Variants in EML4 observed in about 807,000 individuals in gnomAD.
EML4 encodes the protein echinoderm microtubule-associated protein-like 4.
EML4 carries 72 observed loss-of-function variants against 129.0 expected under a neutral mutation model. The ratio of observed to expected loss-of-function variants is 0.56; its 90% confidence interval spans 0.46 to 0.68. The LOEUF (loss-of-function observed/expected upper bound fraction) is 0.68, where lower values mean the gene tolerates loss of function less well. Among genes scored for constraint, EML4 ranks in the 30% least tolerant of loss-of-function variants. EML4 has a pLI of 0.00. For missense variants in EML4, 1,363 were observed against 1,190.6 expected, an observed-to-expected ratio of 1.14 and a Z score of -2.13; for synonymous variants, 532 against 405.0, an observed-to-expected ratio of 1.31 and a Z score of -3.77.
chr2:42,264,624 CTT>C lies in EML4; in HGVS notation c.642-79_642-78del, dbSNP rs1010033382. The C allele has an allele frequency of 2.6e-5, 21 of 811,350 alleles. No individual in the cohort carries two copies. The African/African-American group carries it at 3.2e-4, about 12-fold the overall frequency. The allele number at this position is 811,350 out of a possible 1,614,324, so 50.3% of individuals were successfully genotyped here. A position where few individuals can be genotyped will look rare whatever the true frequency, so the allele number is the denominator to read the frequency against. On this transcript the variant is annotated intron_variant, in intron 5 of 22. Coordinates refer to ENST00000318522, the MANE Select transcript of EML4 (RefSeq NM_019063.5). The stretch of plus-strand genomic sequence containing the variant: ...CTAGATTATAGCCTAAGCATTAAAA[CTT>C]TTACAGTTTCTTGAGGTGATTTTAA...
At chr2:42,197,684 A>G (rs1298322247) in intron 1 of EML4, among the ~76,000 whole-genome samples, 1 of 152,202 alleles carries the variant, frequency 6.6e-6, no homozygotes, top group Non-Finnish European at 1.5e-5. Flanking sequence ...TTAAAAAGCA[A>G]AAATTTGAGA....
chr2:42,219,169 A>T (rs2104090403), intron 1 of EML4, among the ~76,000 whole-genome samples: 1 of 152,354 alleles, frequency 6.6e-6, no homozygotes, highest in East Asian at 1.9e-4. Context: ...AACGGCATCA[A>T]ATAAGGAAGA....
chr2:42,215,217 G>A (rs147914626), intron 1 of EML4, among the ~76,000 whole-genome samples: 6 of 152,128 alleles, frequency 3.9e-5, no homozygotes, highest in African/African-American at 7.2e-5. Flanking sequence ...ACACCACCAC[G>A]CCTGGCTAAC....
chr2:42,258,075 G>A (rs1665458621), intron 3 of EML4, among the ~76,000 whole-genome samples: 1 of 152,140 alleles, frequency 6.6e-6, no homozygotes, highest in African/African-American at 2.4e-5. Context: ...ACTGTTGCTT[G>A]TTGCTGTGTA....
intron 13 of EML4, among the ~76,000 whole-genome samples, chr2:42,297,119 A>C (rs1407092884): frequency 6.6e-6 from 1 of 152,196 alleles, no homozygotes; most frequent in East Asian, 1.9e-4. Context: ...TAGGTTCAAA[A>C]TTTACACACG....
chr2:42,217,000 GA>G (rs1420782342), intron 1 of EML4, among the ~76,000 whole-genome samples: 1 of 151,520 alleles, frequency 6.6e-6, no homozygotes, highest in Non-Finnish European at 1.5e-5. Context: ...AAGGAAGTTA[GA>G]AAAAAAATAT....
rs1164732799 is a variant in EML4, at chr2:42,258,477, C to T, written c.338+1847C>T. On this transcript the variant is annotated intron_variant, in intron 3 of 22. Coordinates refer to ENST00000318522, the MANE Select transcript of EML4 (RefSeq NM_019063.5). ...GTGCAATGGCGCAATCTCGGCTCAC[C>T]GCAACCTGCACCTCCCGTGTTCAAG... Among the ~76,000 whole-genome samples the T allele has an allele frequency of 2.0e-5, 3 of 151,854 alleles. No homozygotes were observed. In the East Asian group the frequency reaches 5.8e-4, roughly 29 times the overall value.
At chr2:42,188,140 C>A (rs1671370378) in intron 1 of EML4, among the ~76,000 whole-genome samples, 1 of 152,180 alleles carries the variant, frequency 6.6e-6, no homozygotes, top group African/African-American at 2.4e-5. Flanking sequence ...CAACAGACCA[C>A]ATATGTGTAG....
intron 19 of EML4, 63 bp downstream of exon 19, chr2:42,317,587 AT>A: frequency 2.7e-6 from 3 of 1,107,224 alleles, no homozygotes; most frequent in Non-Finnish European, 4.0e-6. Flanking sequence ...TTAAAAACAA[AT>A]TTTTACATCG....
chr2:42,177,716 A>C (rs1270144852), intron 1 of EML4, among the ~76,000 whole-genome samples: 2 of 152,224 alleles, frequency 1.3e-5, no homozygotes, highest in Non-Finnish European at 2.9e-5. Flanking sequence ...TGGGAATCTG[A>C]TAAAGAATTC....
chr2:42,196,967 A>C (rs778767423), intron 1 of EML4, among the ~76,000 whole-genome samples: 23 of 152,202 alleles, frequency 1.5e-4, no homozygotes, highest in Admixed American at 3.9e-4. Context: ...ACTTATGTTC[A>C]GTGTTTTTGT....
At chr2:42,278,573 CAAAAAAA>C (rs35916382) in intron 6 of EML4, among the ~76,000 whole-genome samples, 17 of 54,286 alleles carry the variant, frequency 3.1e-4, no homozygotes, top group Admixed American at 2.9e-3. Context: ...GACTCCATCT[CAAAAAAA>C]AAAAAAAAAA....
At chr2:42,326,044 G>C (rs191227565) in intron 20 of EML4, 110 bp from the exon 21 acceptor site, 1 of 1,422,928 alleles carries the variant, frequency 7.0e-7, no homozygotes, top group Non-Finnish European at 9.4e-7. Flanking sequence ...ATGTTTTTCA[G>C]TGTATGGATT....
At chr2:42,225,604 G>A (rs995873667) in intron 1 of EML4, among the ~76,000 whole-genome samples, 1 of 152,052 alleles carries the variant, frequency 6.6e-6, no homozygotes, top group Non-Finnish European at 1.5e-5. Flanking sequence ...TCCAACTAAC[G>A]TTGCCAGACT....
At chr2:42,297,181 A>G (rs1668006262) in intron 13 of EML4, among the ~76,000 whole-genome samples, 1 of 152,182 alleles carries the variant, frequency 6.6e-6, no homozygotes, top group African/African-American at 2.4e-5. Flanking sequence ...TACAACAACA[A>G]TATATTATCA....
intron 7 of EML4, among the ~76,000 whole-genome samples, chr2:42,281,735 A>AG (rs1455796822): frequency 6.6e-6 from 1 of 152,226 alleles, no homozygotes; most frequent in Non-Finnish European, 1.5e-5. Context: ...TTAACTTTTC[A>AG]GCCAGACTTT....
chr2:42,235,434 G>T (rs1197610081), intron 1 of EML4, among the ~76,000 whole-genome samples: 1 of 152,272 alleles, frequency 6.6e-6, no homozygotes, highest in South Asian at 2.1e-4. Context: ...CCGTACTCCA[G>T]CCTGGGCAAC....
At chr2:42,212,259 G>C (rs1187683760) in intron 1 of EML4, among the ~76,000 whole-genome samples, 1 of 151,990 alleles carries the variant, frequency 6.6e-6, no homozygotes, top group East Asian at 1.9e-4. Context: ...TTTTGTTGAT[G>C]GTTTTTAATT....
chr2:42,217,908 T>TG (rs1238136606), intron 1 of EML4, among the ~76,000 whole-genome samples: 5 of 152,228 alleles, frequency 3.3e-5, no homozygotes, highest in Non-Finnish European at 7.4e-5. Flanking sequence ...ATCTCACTTT[T>TG]GGAACATCCG....
Sources: gnomAD v4.1 joint callset for allele counts (sites outside exome capture counted in the v4.1 genomes callset) on GRCh38, gnomAD v4.1.1 for gene constraint, MANE v1.5 for transcripts, NCBI Gene and HGNC (gene_info 2026-07-23, HGNC 2026-07-21) for gene names.